The following PIK3CD variants were observed in gnomAD, a reference collection of about 807,000 sequenced individuals.
PIK3CD encodes phosphatidylinositol 4,5-bisphosphate 3-kinase catalytic subunit delta isoform.
PIK3CD carries 20 observed loss-of-function variants against 122.9 expected under a neutral mutation model. That is an observed-to-expected ratio of 0.16 (90% CI 0.11 to 0.24). PIK3CD has a LOEUF of 0.24. Ranked by LOEUF, PIK3CD falls within the 10% of genes least tolerant of loss-of-function variation. The pLI is 1.00. For synonymous variants in PIK3CD, 596 were observed against 593.4 expected (o/e 1.00, Z -0.06); for missense variants, 787 against 1,406.3 (o/e 0.56, Z 7.04).
the PIK3CD span, among the ~76,000 whole-genome samples, chr1:9,635,816 G>C: frequency 6.6e-6 from 1 of 152,216 alleles, no homozygotes; most frequent in Admixed American, 6.5e-5. Flanking sequence ...TCCTAAAGGA[G>C]TCCTTCTGAT....
At chr1:9,635,823 T>A in the PIK3CD span, among the ~76,000 whole-genome samples, 3 of 152,238 alleles carry the variant, frequency 2.0e-5, no homozygotes, top group African/African-American at 7.2e-5. Context: ...GGAGTCCTTC[T>A]GATGGGTTCC....
chr1:9,716,270 T>G (rs1570360255), intron 5 of PIK3CD, 170 bp from the exon 6 acceptor site: 1 of 808,730 alleles, frequency 1.2e-6, no homozygotes, highest in Non-Finnish European at 2.0e-6. Flanking sequence ...GATAACCAAG[T>G]GGCGTGGGGC....
chr1:9,669,898 G>T (rs192336267), intron 1 of PIK3CD, among the ~76,000 whole-genome samples: 9 of 152,198 alleles, frequency 5.9e-5, no homozygotes, highest in Admixed American at 5.9e-4. Flanking sequence ...TTCTTGCCAG[G>T]CGCGGTGGCT....
intron 1 of PIK3CD, among the ~76,000 whole-genome samples, chr1:9,666,496 T>C (rs1645164755): frequency 6.6e-6 from 1 of 151,798 alleles, no homozygotes; most frequent in Non-Finnish European, 1.5e-5. Context: ...GCCTCCCAAG[T>C]GCTGGGATTA....
chr1:9,667,040 T>C (rs772746744), intron 1 of PIK3CD, among the ~76,000 whole-genome samples: 13 of 152,144 alleles, frequency 8.5e-5, no homozygotes, highest in Non-Finnish European at 1.3e-4. Context: ...ATTTTTTGTA[T>C]TTTAGTAGAT....
chr1:9,721,093 G>T, intron 13 of PIK3CD, 34 bp from the exon 14 acceptor site: 1 of 1,412,876 alleles, frequency 7.1e-7, no homozygotes. Context: ...CCCTGACCCC[G>T]GCCGCCCCCA....
In PIK3CD at chr1:9,691,582, G is replaced by T. The variant is rs1395250672; in HGVS notation, c.-33+11G>T. The stretch of plus-strand genomic sequence containing the variant: ...GACTATTCCAGAGAGGTAGGTTGGG[G>T]GAACGGGCCAAGTGTGTGGGGGAAG... On this transcript the variant is annotated intron_variant, in intron 2 of 23. Transcript: ENST00000377346. 2.5e-6 allele frequency: 1 copy of T among 398,426 alleles called. No individual in the cohort carries two copies. Among genetic ancestry groups the T allele is most frequent in the Admixed American group, 4.4e-5 (1 of 22,686 alleles). The allele number at this position is 398,426 out of a possible 1,614,324, so 24.7% of individuals were successfully genotyped here. A position where few individuals can be genotyped will look rare whatever the true frequency, so the allele number is the denominator to read the frequency against.
chr1:9,677,725 A>G (rs1423251005), intron 1 of PIK3CD, among the ~76,000 whole-genome samples: 2 of 151,802 alleles, frequency 1.3e-5, no homozygotes, highest in African/African-American at 4.8e-5. Context: ...GTGCATGCGG[A>G]TGTTTTAAAT....
intron 2 of PIK3CD, among the ~76,000 whole-genome samples, chr1:9,697,132 G>T (rs919882086): frequency 6.6e-6 from 1 of 151,934 alleles, no homozygotes; most frequent in Non-Finnish European, 1.5e-5. Flanking sequence ...AGCACTTTGG[G>T]AGGCTAATGT....
At chr1:9,666,876 T>C (rs1645176523) in intron 1 of PIK3CD, among the ~76,000 whole-genome samples, 1 of 151,686 alleles carries the variant, frequency 6.6e-6, no homozygotes, top group South Asian at 2.1e-4. Context: ...ATTTTTTTTT[T>C]TTTTTCAGAG....
In PIK3CD at chr1:9,723,040, G is replaced by A. The variant is rs1181234029; in HGVS notation, c.2427-85G>A. 7 of 1,365,268 alleles carry A rather than the reference G, an allele frequency of 5.1e-6. No individual in the cohort carries two copies. The African/African-American group carries it at 5.7e-5, about 11-fold the overall frequency. The allele number at this position is 1,365,268 out of a possible 1,614,324, so 84.6% of individuals were successfully genotyped here. The stretch of plus-strand genomic sequence containing the variant: ...AGCAGCATCTTCTGTGGCTTTTTGG[G>A]GCACCATGAGTTTCTGGGGCTCAAG... On this transcript the variant is annotated intron_variant, in intron 19 of 23. Coordinates refer to ENST00000377346, the MANE Select transcript of PIK3CD (RefSeq NM_005026.5). The surrounding 1 kb of genome is among the most constrained non-coding windows in gnomAD (Gnocchi z 4.9).
chr1:9,634,371 A>T, the PIK3CD span, among the ~76,000 whole-genome samples: 8 of 152,068 alleles, frequency 5.3e-5, no homozygotes, highest in Non-Finnish European at 7.4e-5. Flanking sequence ...CATGTTGGCT[A>T]GGCTGGTCTT....
At chr1:9,701,999 G>GTTT (rs1287911748) in intron 2 of PIK3CD, among the ~76,000 whole-genome samples, 1 of 143,272 alleles carries the variant, frequency 7.0e-6, no homozygotes, top group East Asian at 2.0e-4. Flanking sequence ...TGTTTTTTTG[G>GTTT]TTTTTTTTTT....
the PIK3CD span, among the ~76,000 whole-genome samples, chr1:9,638,515 G>A: frequency 1.3e-5 from 2 of 151,746 alleles, no homozygotes; most frequent in African/African-American, 2.4e-5. Context: ...GGCGGATCAC[G>A]AGGTCAGGAG....
chr1:9,661,486 T>C (rs748044386), intron 1 of PIK3CD, among the ~76,000 whole-genome samples: 5 of 152,202 alleles, frequency 3.3e-5, no homozygotes, highest in Non-Finnish European at 5.9e-5. Flanking sequence ...CTATATGGGC[T>C]CAAGTGATCC....
At chr1:9,649,211 C>T (rs1644634810), upstream of PIK3CD, among the ~76,000 whole-genome samples, 1 of 152,050 alleles carries the variant, frequency 6.6e-6, no homozygotes, top group Non-Finnish European at 1.5e-5. Flanking sequence ...GGAATAACGG[C>T]CTCTGGGCCT....
At chr1:9,701,813 G>C (rs150208590) in intron 2 of PIK3CD, among the ~76,000 whole-genome samples, 1 of 152,186 alleles carries the variant, frequency 6.6e-6, no homozygotes, top group Non-Finnish European at 1.5e-5. Context: ...GGCTTACTGT[G>C]AAAAATCCCT....
chr1:9,718,922 C>T lies in PIK3CD; in HGVS notation c.1242+7C>T. 6.2e-7 allele frequency: 1 copy of T among 1,611,276 alleles called. No homozygotes were observed. The highest frequency in any genetic ancestry group is 8.5e-7 in the Non-Finnish European group (1 of 1,179,592). On this transcript the variant is annotated splice_region_variant and intron_variant, in intron 9 of 23. Coordinates refer to ENST00000377346, the MANE Select transcript of PIK3CD (RefSeq NM_005026.5). The surrounding 1 kb of genome is among the most constrained non-coding windows in gnomAD (Gnocchi z 7.2). ...GAAGAAGTCCAAGAAGGCGGTGGGT[C>T]CCAGGGCCGGCTGGGAGGGGTGCAG...
chr1:9,696,120 C>T (rs977179863), intron 2 of PIK3CD, among the ~76,000 whole-genome samples: 3 of 151,550 alleles, frequency 2.0e-5, no homozygotes, highest in Admixed American at 6.6e-5. Flanking sequence ...TACAGGTGTA[C>T]GCCACCATGC....
Sources: allele counts gnomAD v4.1 joint callset (sites outside exome capture counted in the v4.1 genomes callset), GRCh38; gene constraint gnomAD v4.1.1; non-coding constraint Gnocchi (gnomAD v3.1); transcripts MANE v1.5; gene names NCBI Gene and HGNC (gene_info 2026-07-23, HGNC 2026-07-21).